Variants in PARVB observed in about 807,000 individuals in gnomAD.
PARVB encodes the protein beta-parvin.
PARVB carries 46 observed loss-of-function variants against 47.0 expected under a neutral mutation model. That is an observed-to-expected ratio of 0.98 (90% CI 0.77 to 1.25). The LOEUF (loss-of-function observed/expected upper bound fraction) is 1.25. Among genes scored for constraint, PARVB ranks in the 50% most tolerant of loss-of-function variants. The probability of loss-of-function intolerance (pLI) is 0.00; values close to 1 mark genes in which losing one functional copy is unlikely to be tolerated. For missense variants in PARVB, 473 were observed against 471.6 expected, an observed-to-expected ratio of 1.00 and a Z score of -0.03; for synonymous variants, 196 against 196.3, an observed-to-expected ratio of 1.00 and a Z score of 0.01.
chr22:44,158,017 C>A lies in PARVB; in HGVS notation c.879C>A (p.Gly293=), dbSNP rs1340344732. ...ADGVYLVLLM[G]LLEDYFVPLH... ...GCGTGTACCTGGTTCTGCTCATGGG[C>A]CTTCTGGAAGACTACTTTGTTCCTC... Residue 293 remains glycine, a synonymous_variant, in exon 11 of 13, where the codon GGC becomes GGA. Coordinates refer to ENST00000338758, the MANE Select transcript of PARVB (RefSeq NM_013327.5). 2.5e-6 allele frequency: 4 copies of A among 1,613,914 alleles called. No homozygotes were observed. The South Asian group carries it at 4.4e-5, about 18-fold the overall frequency.
intron 5 of PARVB, among the ~76,000 whole-genome samples, chr22:44,131,883 A>G (rs2053333820): frequency 6.6e-6 from 1 of 152,108 alleles, no homozygotes; most frequent in Admixed American, 6.5e-5. Flanking sequence ...GAGAGAGGCA[A>G]TGTTTATGGA....
intron 2 of PARVB, 86 bp downstream of exon 2, chr22:44,094,103 G>A (rs1461365570): frequency 7.1e-6 from 5 of 708,374 alleles, no homozygotes; most frequent in African/African-American, 1.8e-5. Context: ...TGAGGAGCCC[G>A]ATAGATCTGG....
upstream of PARVB, among the ~76,000 whole-genome samples, chr22:44,023,197 C>T (rs574310508): frequency 1.2e-4 from 19 of 152,294 alleles, no homozygotes; most frequent in African/African-American, 4.1e-4. Context: ...ACATCTGTGA[C>T]ATCACAGCTC....
intron 1 of PARVB, among the ~76,000 whole-genome samples, chr22:44,070,306 C>T (rs933452503): frequency 3.9e-5 from 6 of 152,162 alleles, no homozygotes; most frequent in South Asian, 2.1e-4. Context: ...GCTTGAAGGC[C>T]GCCTCCCTGG....
intron 5 of PARVB, among the ~76,000 whole-genome samples, chr22:44,131,861 C>T (rs1047774760): frequency 3.9e-5 from 6 of 152,198 alleles, no homozygotes; most frequent in African/African-American, 1.2e-4. Context: ...CCATCCTCCC[C>T]ATGCTGCAGA....
At chr22:44,006,025 T>C (rs2050460963) in intron 2 of PARVB, among the ~76,000 whole-genome samples, 1 of 152,160 alleles carries the variant, frequency 6.6e-6, no homozygotes, top group African/African-American at 2.4e-5. Context: ...CTCACTGCAG[T>C]CTCAACTCCC....
At chr22:44,072,039 A>T (rs2051666849) in intron 1 of PARVB, among the ~76,000 whole-genome samples, 1 of 152,154 alleles carries the variant, frequency 6.6e-6, no homozygotes, top group Non-Finnish European at 1.5e-5. Flanking sequence ...AAAACGTTTG[A>T]AGGTTTCTCA....
intron 1 of PARVB, among the ~76,000 whole-genome samples, chr22:44,059,923 A>G (rs1464514947): frequency 1.3e-5 from 2 of 152,130 alleles, no homozygotes; most frequent in Non-Finnish European, 2.9e-5. Flanking sequence ...CTCTACCACG[A>G]TGCTTTCTCT....
At chr22:44,064,172 G>A (rs1016556685) in intron 1 of PARVB, among the ~76,000 whole-genome samples, 4 of 152,286 alleles carry the variant, frequency 2.6e-5, no homozygotes, top group African/African-American at 9.6e-5. Context: ...ACGTCAGCCA[G>A]TCTTCCTTCC....
chr22:44,056,732 C>T (rs914180186), intron 1 of PARVB, among the ~76,000 whole-genome samples: 4 of 151,720 alleles, frequency 2.6e-5, no homozygotes, highest in African/African-American at 7.3e-5. Context: ...CCTCGAACCC[C>T]TGGGCTCAAG....
At chr22:44,129,512 C>G (rs1370225868) in intron 4 of PARVB, among the ~76,000 whole-genome samples, 1 of 152,222 alleles carries the variant, frequency 6.6e-6, no homozygotes, top group East Asian at 1.9e-4. Context: ...TCCCATCTCC[C>G]TGGTGGGCGA....
intron 1 of PARVB, among the ~76,000 whole-genome samples, chr22:44,035,854 G>C (rs2050913494): frequency 6.6e-6 from 1 of 151,994 alleles, no homozygotes; most frequent in South Asian, 2.1e-4. Context: ...TGCTCAAGTG[G>C]AGATAATTAA....
At chr22:44,022,996 T>C (rs2050669074), upstream of PARVB, among the ~76,000 whole-genome samples, 1 of 151,820 alleles carries the variant, frequency 6.6e-6, no homozygotes, top group Non-Finnish European at 1.5e-5. Flanking sequence ...ATCTGCCTGC[T>C]TTGGCCTCCC....
intron 3 of PARVB, chr22:44,111,489 G>A (rs925600498): frequency 3.6e-5 from 4 of 112,036 alleles, no homozygotes; most frequent in African/African-American, 1.4e-4. Context: ...TTGCTCTGTT[G>A]CCCAGGCTGG....
At chr22:44,157,952 C>T (rs2053971504) in intron 10 of PARVB, 30 bp from the exon 11 acceptor site, 1 of 1,539,732 alleles carries the variant, frequency 6.5e-7, no homozygotes. Context: ...CCTTACCCTG[C>T]CCGGAAACAT....
At chr22:44,055,526 G>T (rs969609778) in intron 1 of PARVB, among the ~76,000 whole-genome samples, 1 of 151,934 alleles carries the variant, frequency 6.6e-6, no homozygotes, top group African/African-American at 2.4e-5. Flanking sequence ...GTAGACACGG[G>T]GTTTCACCAT....
At chr22:44,035,673 C>T (rs1376467349) in intron 1 of PARVB, among the ~76,000 whole-genome samples, 1 of 152,050 alleles carries the variant, frequency 6.6e-6, no homozygotes, top group Non-Finnish European at 1.5e-5. Context: ...GCCCGTCCGT[C>T]AAGGCTTCTT....
In PARVB at chr22:44,148,175, C is replaced by G. The variant is rs1417192467; in HGVS notation, c.774+253C>G. 4 of 530,944 alleles carry G rather than the reference C, an allele frequency of 7.5e-6. No homozygotes were observed. In the East Asian group the frequency reaches 9.8e-5, roughly 13 times the overall value. The allele number at this position is 530,944 out of a possible 1,614,324, so 32.9% of individuals were successfully genotyped here. A position where few individuals can be genotyped will look rare whatever the true frequency, so the allele number is the denominator to read the frequency against. On this transcript the variant is annotated intron_variant, in intron 9 of 12. Coordinates refer to ENST00000338758, the MANE Select transcript of PARVB (RefSeq NM_013327.5). ...TTCTGTTAAGTGAATTACCCAGCCC[C>G]CATTTCTTTCTGACTCGAGACCTTT... is the stretch of plus-strand genomic sequence containing the variant.
intron 11 of PARVB, chr22:44,162,738 G>A (rs967380435): frequency 1.3e-5 from 2 of 152,286 alleles, no homozygotes; most frequent in Non-Finnish European, 2.9e-5. Context: ...GCAGGTGGGT[G>A]GCTGGATGTA....
Sources: allele counts gnomAD v4.1 joint callset (sites outside exome capture counted in the v4.1 genomes callset), GRCh38; gene constraint gnomAD v4.1.1; transcripts MANE v1.5; gene names NCBI Gene and HGNC (gene_info 2026-07-23, HGNC 2026-07-21).